The following ACOT12 variants were observed in gnomAD, a reference collection of about 807,000 sequenced individuals.
ACOT12 encodes acyl-CoA thioesterase 12.
Under a neutral mutation model 67.7 loss-of-function variants are expected in ACOT12, and 51 were observed. That is an observed-to-expected ratio of 0.75 (90% CI 0.60 to 0.95). ACOT12 has a LOEUF of 0.95. ACOT12 is among the 40% of genes least tolerant of loss of function. The probability of loss-of-function intolerance (pLI) is 0.00; values close to 1 mark genes in which losing one functional copy is unlikely to be tolerated. For synonymous variants in ACOT12, 251 were observed against 244.6 expected (o/e 1.03, Z -0.24); for missense variants, 734 against 708.1 (o/e 1.04, Z -0.41).
chr5:81,311,085 T>G, the ACOT12 span: 2 of 909,816 alleles, frequency 2.2e-6, no homozygotes, highest in Non-Finnish European at 3.6e-6. Context: ...CTCCCTATGA[T>G]CCTGGTCTAG....
chr5:81,385,810 T>G lies in ACOT12; in HGVS notation c.144A>C (p.Gly48=), dbSNP rs150549236. 2.5e-6 allele frequency: 4 copies of G among 1,613,874 alleles called. No homozygotes were observed. The African/African-American group carries it at 5.3e-5, about 22-fold the overall frequency. ...TACLAAEKHA[G]VSCVTASVDD... Reference sequence around the variant, plus strand: ...CCACTGAGGCTGTAACGCAGGAAACTCCAGCATGTTTCTCAGCTTCAAAAA... The same window carrying G: ...CCACTGAGGCTGTAACGCAGGAAACGCCAGCATGTTTCTCAGCTTCAAAAA... Residue 48 remains glycine (G), a synonymous_variant, in exon 2 of 15, where the codon GGA becomes GGC. Transcript: ENST00000307624.
chr5:81,329,613 G>A (rs577002448), downstream of ACOT12, among the ~76,000 whole-genome samples: 2 of 152,316 alleles, frequency 1.3e-5, no homozygotes, highest in South Asian at 4.1e-4. Flanking sequence ...TTGAGAGGAG[G>A]CTAGCTTGCC....
Position 81,386,994 on chromosome 5 carries a change from C to CTTTTTT in ACOT12, c.128-1169_128-1168insAAAAAA, listed in dbSNP as rs1052387807. On this transcript the variant is annotated intron_variant, in intron 1 of 14. Transcript: ENST00000307624. ...TCCAGACACTGAGTTGGATGAGTTC[C>CTTTTTT]ATTTTTTTTTTTTTTTTTTTTTTTC... Among the ~76,000 whole-genome samples, 263 of 128,456 alleles carry CTTTTTT rather than the reference C, an allele frequency of 2.0e-3. 1 individual carries two copies. The highest frequency in any genetic ancestry group is 6.4e-3 in the African/African-American group (198 of 30,830). 84.3% of individuals were successfully genotyped at this position (128,456 alleles called of 152,430 possible). A position where few individuals can be genotyped will look rare whatever the true frequency, so the allele number is the denominator to read the frequency against.
rs554014075 is a variant in ACOT12, at chr5:81,378,544, C to T, written c.198-6734G>A. On this transcript the variant is annotated intron_variant, in intron 2 of 14. Transcript: ENST00000307624. ...CAAAAGAAACTATCATCAGACTGAA[C>T]AGGCAACCTACAGAATGGGAGAAAA... 3.3e-5 allele frequency among the ~76,000 whole-genome samples: 5 copies of T among 152,258 alleles called. No individual in the cohort carries two copies. The East Asian group carries it at 9.7e-4, about 29-fold the overall frequency.
the ACOT12 span, among the ~76,000 whole-genome samples, chr5:81,321,807 C>A: frequency 6.6e-6 from 1 of 152,038 alleles, no homozygotes; most frequent in Non-Finnish European, 1.5e-5. Flanking sequence ...ATTATCTGGG[C>A]ATGGTGGTGC....
intron 5 of ACOT12, among the ~76,000 whole-genome samples, chr5:81,356,598 G>A (rs1378309345): frequency 6.6e-6 from 1 of 151,908 alleles, no homozygotes; most frequent in Admixed American, 6.6e-5. Context: ...GCCTAAAACT[G>A]AACTCATCAT....
At chr5:81,393,312 T>G (rs1760911982) in intron 1 of ACOT12, among the ~76,000 whole-genome samples, 1 of 152,224 alleles carries the variant, frequency 6.6e-6, no homozygotes, top group African/African-American at 2.4e-5. Context: ...AAAAATGTTA[T>G]GCTAACAATG....
At chr5:81,339,614 TCTC>T (rs1759124737) in intron 11 of ACOT12, among the ~76,000 whole-genome samples, 3 of 152,322 alleles carry the variant, frequency 2.0e-5, no homozygotes, top group East Asian at 3.9e-4. Flanking sequence ...ATAACTGTCT[TCTC>T]TTGGAATTGC....
At chr5:81,331,079 A>C in intron 13 of ACOT12, 139 bp from the exon 14 acceptor site, 4 of 958,286 alleles carry the variant, frequency 4.2e-6, no homozygotes, top group East Asian at 2.8e-5. Context: ...GAGTGGTCTC[A>C]TCAGAAAACA....
the ACOT12 span, chr5:81,312,410 C>T: frequency 3.0e-6 from 2 of 658,794 alleles, no homozygotes; most frequent in Non-Finnish European, 5.3e-6. Flanking sequence ...TGCTCACTTT[C>T]CTTTAGTGAT....
intron 1 of ACOT12, 83 bp from the exon 2 acceptor site, chr5:81,385,909 G>T: frequency 1.5e-6 from 2 of 1,338,986 alleles, no homozygotes; most frequent in Non-Finnish European, 2.1e-6. Flanking sequence ...AAATGTAAGT[G>T]CATTGATTTT....
the ACOT12 span, among the ~76,000 whole-genome samples, chr5:81,323,685 C>T: frequency 1.3e-5 from 2 of 151,984 alleles, no homozygotes; most frequent in South Asian, 4.2e-4. Flanking sequence ...GACTGTGGCT[C>T]TTACCCTGTG....
chr5:81,342,961 C>T (rs1419099840), intron 10 of ACOT12, among the ~76,000 whole-genome samples: 3 of 152,076 alleles, frequency 2.0e-5, no homozygotes, highest in African/African-American at 7.2e-5. Context: ...GCAGGCAGAT[C>T]ACTTGAGGAT....
At chr5:81,392,902 A>C (rs538057416) in intron 1 of ACOT12, among the ~76,000 whole-genome samples, 107 of 152,306 alleles carry the variant, frequency 7.0e-4, no homozygotes, top group African/African-American at 2.5e-3. Flanking sequence ...CTCACATGGC[A>C]GAGAGAAGCT....
intron 9 of ACOT12, 104 bp from the exon 10 acceptor site, chr5:81,343,985 AGTGGAACAAC>A (rs1759290088): frequency 8.0e-7 from 1 of 1,252,024 alleles, no homozygotes; most frequent in Admixed American, 2.1e-5. Context: ...CATGGATATC[AGTGGAACAAC>A]GTGGAAGAAC....
intron 11 of ACOT12, among the ~76,000 whole-genome samples, chr5:81,340,589 T>C (rs1759162722): frequency 6.6e-6 from 1 of 152,100 alleles, no homozygotes; most frequent in Admixed American, 6.5e-5. Context: ...CTTGAACCCC[T>C]GACCTTGTGA....
At chr5:81,317,590 T>G in the ACOT12 span, among the ~76,000 whole-genome samples, 14 of 151,078 alleles carry the variant, frequency 9.3e-5, no homozygotes, top group Middle Eastern at 3.6e-3. Context: ...AAACTTACAA[T>G]CATGGCAGAA....
At chr5:81,330,777 A>G (rs1374544446) in intron 14 of ACOT12, 37 bp downstream of exon 14, 3 of 1,602,498 alleles carry the variant, frequency 1.9e-6, no homozygotes, top group South Asian at 1.1e-5. Flanking sequence ...GCTATCTGGC[A>G]GAGCCAATTA....
Position 81,332,487 on chromosome 5 carries a change from G to A in ACOT12, c.1381C>T (p.Leu461Phe), listed in dbSNP as rs1384159317. The A allele has an allele frequency of 1.2e-6, 2 of 1,613,944 alleles. No homozygotes were observed. The highest frequency in any genetic ancestry group is 4.5e-5 in the East Asian group (2 of 44,862). ...ACTGCATATACTCACCCATCTTTGA[G>A]GGGTTTTCTTCGTGATACGAGTACT... ...LVVLVSRRKP[L>F]KDGNTYTVAV... Residue 461 changes from leucine (L) to phenylalanine (F), a missense_variant, in exon 13 of 15, where the codon CTC (leucine) becomes TTC (phenylalanine). Physicochemically the swap from Leu to Phe is conservative, Grantham distance 22. Transcript: ENST00000307624.
Sources: gnomAD v4.1 joint callset for allele counts (sites outside exome capture counted in the v4.1 genomes callset) on GRCh38, gnomAD v4.1.1 for gene constraint, MANE v1.5 for transcripts, NCBI Gene and HGNC (gene_info 2026-07-23, HGNC 2026-07-21) for gene names.